RSRC1: variants seen among roughly 807,000 people sequenced by gnomAD.
RSRC1 encodes arginine and serine rich coiled-coil 1, also known as serine/Arginine-related protein 53.
Under a neutral mutation model 49.1 loss-of-function variants are expected in RSRC1, and 39 were observed. The ratio of observed to expected loss-of-function variants is 0.79; its 90% CI spans 0.61 to 1.04. RSRC1 has a LOEUF of 1.04. RSRC1 is among the 50% of genes least tolerant of loss of function. The pLI, the probability that RSRC1 is intolerant of heterozygous loss-of-function variation, is 0.00. For synonymous variants in RSRC1, 143 were observed against 130.8 expected, an observed-to-expected ratio of 1.09 and a Z score of -0.63; for missense variants, 388 against 402.4, an observed-to-expected ratio of 0.96 and a Z score of 0.31.
intron 6 of RSRC1, among the ~76,000 whole-genome samples, chr3:158,382,911 C>G (rs913887646): frequency 6.6e-6 from 1 of 152,148 alleles, no homozygotes; most frequent in African/African-American, 2.4e-5. Context: ...CTACAAAGAG[C>G]TAATCATTTC....
chr3:158,259,862 G>A (rs142045892), intron 4 of RSRC1, among the ~76,000 whole-genome samples: 6 of 152,172 alleles, frequency 3.9e-5, no homozygotes, highest in Admixed American at 2.0e-4. Flanking sequence ...CCTCACTGCC[G>A]CAGGGCTGTG....
intron 4 of RSRC1, among the ~76,000 whole-genome samples, chr3:158,262,276 A>T (rs1318898491): frequency 6.6e-6 from 1 of 152,176 alleles, no homozygotes; most frequent in Non-Finnish European, 1.5e-5. Flanking sequence ...ATTTAGGTCT[A>T]TGGTTTATTT....
intron 6 of RSRC1, among the ~76,000 whole-genome samples, chr3:158,415,555 C>T (rs1734698404): frequency 6.6e-6 from 1 of 151,760 alleles, no homozygotes; most frequent in Non-Finnish European, 1.5e-5. Flanking sequence ...TAATATTGAA[C>T]ATTAAATAAG....
At chr3:158,243,225 A>G (rs1012867355) in intron 4 of RSRC1, among the ~76,000 whole-genome samples, 3 of 152,132 alleles carry the variant, frequency 2.0e-5, no homozygotes, top group Non-Finnish European at 4.4e-5. Context: ...TGATTTTTGT[A>G]TATGGTGTAA....
In RSRC1 at chr3:158,350,214, A is replaced by G. The variant is rs1427137950; in HGVS notation, c.532-4643A>G. 8.9e-5 allele frequency among the ~76,000 whole-genome samples: 12 copies of G among 134,488 alleles called. No individual in the cohort carries two copies. The East Asian group carries it at 1.1e-3, about 12-fold the overall frequency. 88.2% of individuals were successfully genotyped at this position (134,488 alleles called of 152,430 possible). A position where few individuals can be genotyped will look rare whatever the true frequency, so the allele number is the denominator to read the frequency against. ...TTTTTTTGAGAAAAGGTCTGGCTCT[A>G]TCACCCAGGCTGGAGTACAGTCGTG... On this transcript the variant is annotated intron_variant, in intron 5 of 9. Coordinates refer to ENST00000611884, the MANE Select transcript of RSRC1 (RefSeq NM_001271838.2).
At chr3:158,509,279 A>G (rs955761636) in intron 7 of RSRC1, among the ~76,000 whole-genome samples, 10 of 152,190 alleles carry the variant, frequency 6.6e-5, no homozygotes, top group African/African-American at 2.4e-4. Context: ...TTTATTAAGT[A>G]TGACATACAT....
chr3:158,284,834 T>G (rs999190780), intron 4 of RSRC1, among the ~76,000 whole-genome samples: 45 of 150,174 alleles, frequency 3.0e-4, no homozygotes, highest in African/African-American at 5.3e-4. Flanking sequence ...TTTCTCCCAT[T>G]TTGTAGGTTG....
At chr3:158,516,756 G>A (rs552069293) in intron 7 of RSRC1, among the ~76,000 whole-genome samples, 47 of 152,332 alleles carry the variant, frequency 3.1e-4, no homozygotes, top group African/African-American at 1.1e-3. Context: ...AGACTCCGTG[G>A]GCGTAGGGCC....
intron 3 of RSRC1, among the ~76,000 whole-genome samples, chr3:158,198,934 G>T (rs538985130): frequency 6.6e-6 from 1 of 152,336 alleles, no homozygotes; most frequent in East Asian, 1.9e-4. Context: ...TGAAAGCCAT[G>T]TAATTCTCTT....
intron 4 of RSRC1, among the ~76,000 whole-genome samples, chr3:158,233,378 G>A (rs1209505979): frequency 6.6e-6 from 1 of 152,140 alleles, no homozygotes; most frequent in Non-Finnish European, 1.5e-5. Flanking sequence ...CAATTGTCTT[G>A]TTAACAGCAG....
chr3:158,133,791 A>G (rs188201786), intron 3 of RSRC1, among the ~76,000 whole-genome samples: 3 of 152,330 alleles, frequency 2.0e-5, no homozygotes, highest in Admixed American at 2.0e-4. Flanking sequence ...ATTAATATAC[A>G]TCAGTCTGGG....
At chr3:158,496,790 G>A (rs956710258) in intron 7 of RSRC1, 4 of 241,604 alleles carry the variant, frequency 1.7e-5, no homozygotes, top group South Asian at 1.2e-4. Flanking sequence ...GTTGATGACC[G>A]TAAGAAACTA....
chr3:158,212,842 A>ATATC (rs1721759747), intron 4 of RSRC1, among the ~76,000 whole-genome samples: 1 of 151,976 alleles, frequency 6.6e-6, no homozygotes, highest in South Asian at 2.1e-4. Flanking sequence ...GTTCTAATTT[A>ATATC]TATCTCATTG....
chr3:158,432,571 T>C (rs2108359447), intron 6 of RSRC1, among the ~76,000 whole-genome samples: 1 of 152,098 alleles, frequency 6.6e-6, no homozygotes, highest in Admixed American at 6.6e-5. Context: ...TGCAGTCTCT[T>C]CCTCTGGAGA....
chr3:158,416,194 C>A (rs1438788230), intron 6 of RSRC1, among the ~76,000 whole-genome samples: 1 of 149,806 alleles, frequency 6.7e-6, no homozygotes, highest in South Asian at 2.1e-4. Context: ...TTTTATCTTT[C>A]TCTTTTGCTA....
intron 4 of RSRC1, among the ~76,000 whole-genome samples, chr3:158,206,408 ATG>A (rs1721345908): frequency 1.3e-5 from 2 of 152,126 alleles, no homozygotes; most frequent in Admixed American, 1.3e-4. Flanking sequence ...AGGCATCAGG[ATG>A]TGTGTGGTAC....
At chr3:158,227,977 A>T (rs1722620379) in intron 4 of RSRC1, among the ~76,000 whole-genome samples, 2 of 152,060 alleles carry the variant, frequency 1.3e-5, no homozygotes, top group Non-Finnish European at 2.9e-5. Flanking sequence ...GCTCTCCAAA[A>T]TGAGGTGCAA....
chr3:158,444,687 A>G (rs1255783013), intron 6 of RSRC1, among the ~76,000 whole-genome samples: 3 of 152,230 alleles, frequency 2.0e-5, no homozygotes, highest in Non-Finnish European at 4.4e-5. Flanking sequence ...GAGCTTCTAC[A>G]CAGCAAAAGA....
intron 7 of RSRC1, among the ~76,000 whole-genome samples, chr3:158,508,658 G>A (rs1739997397): frequency 6.6e-6 from 1 of 152,154 alleles, no homozygotes; most frequent in Non-Finnish European, 1.5e-5. Context: ...TGAGTAGCGT[G>A]ATGAAATCTC....
Sources: gnomAD v4.1 joint callset for allele counts (sites outside exome capture counted in the v4.1 genomes callset) on GRCh38, gnomAD v4.1.1 for gene constraint, MANE v1.5 for transcripts, NCBI Gene and HGNC (gene_info 2026-07-23, HGNC 2026-07-21) for gene names.